Variants in SNHG17 observed in about 807,000 individuals in gnomAD.
The protein encoded by SNHG17 is small nucleolar RNA host gene 17.
intron 4 of SNHG17, chr20:38,426,174 A>C (rs1359469342): frequency 2.6e-5 from 4 of 152,436 alleles, no homozygotes; most frequent in Non-Finnish European, 5.9e-5. Context: ...CTCCCACTTC[A>C]ACAAACTATG....
chr20:38,422,420 AC>A (rs1055995557), intron 5 of SNHG17, among the ~76,000 whole-genome samples: 7 of 152,178 alleles, frequency 4.6e-5, no homozygotes, highest in African/African-American at 1.7e-4. Context: ...ATCATAAGCA[AC>A]CCACAAATGC....
At chr20:38,422,653 A>G (rs2084176032) in intron 5 of SNHG17, among the ~76,000 whole-genome samples, 1 of 152,068 alleles carries the variant, frequency 6.6e-6, no homozygotes, top group Admixed American at 6.6e-5. Flanking sequence ...AGACATCTGC[A>G]CTCCAATATT....
chr20:38,427,926 AGGCCCTACTG>A (rs1250474365), intron 3 of SNHG17: 4 of 152,302 alleles, frequency 2.6e-5, no homozygotes, highest in East Asian at 3.8e-4. Flanking sequence ...CCGGGCATGG[AGGCCCTACTG>A]GGCTTCCCTG....
chr20:38,430,332 T>C (rs1235378337), intron 3 of SNHG17, among the ~76,000 whole-genome samples: 1 of 145,018 alleles, frequency 6.9e-6, no homozygotes, highest in Non-Finnish European at 1.5e-5. Context: ...AAAATAAAAA[T>C]AAAAATAAAA....
rs182849935 is a variant in SNHG17 at position 38,430,248 on chromosome 20, G to A, written n.380+793C>T. Among the ~76,000 whole-genome samples the A allele has an allele frequency of 3.0e-4, 45 of 152,158 alleles. 1 individual carries two copies. In the East Asian group the frequency reaches 3.9e-3, roughly 13 times the overall value. ...AGGCAGGAGAATCATTTGAACCCGGGAAGTGGAGGTTGCAGTGAGTCAGGA... is the reference window on the plus strand; with the variant it reads ...AGGCAGGAGAATCATTTGAACCCGGAAAGTGGAGGTTGCAGTGAGTCAGGA... On this transcript the variant is annotated intron_variant and non_coding_transcript_variant, in intron 3 of 8. Coordinates refer to ENST00000654008, the Ensembl canonical transcript of SNHG17.
rs1029267821 is a variant in SNHG17 at position 38,434,910 on chromosome 20, C to T, written n.186-284G>A. The T allele has an allele frequency of 6.6e-6, 8 of 1,218,400 alleles. No homozygotes were observed. In the Admixed American group the frequency reaches 3.0e-4, roughly 46 times the overall value. 75.5% of individuals were successfully genotyped at this position (1,218,400 alleles called of 1,614,324 possible). On this transcript the variant is annotated intron_variant and non_coding_transcript_variant, in intron 1 of 8. Coordinates refer to ENST00000654008, the Ensembl canonical transcript of SNHG17. The stretch of plus-strand genomic sequence containing the variant: ...GGGGCGGGCAGCTAAAGTCGCCGAG[C>T]CCTGTTTCCCGCCATCCAGGGGCAC...
At chr20:38,432,379 G>T (rs543392138) in intron 2 of SNHG17, among the ~76,000 whole-genome samples, 2 of 152,098 alleles carry the variant, frequency 1.3e-5, no homozygotes, top group Admixed American at 1.3e-4. Flanking sequence ...CCAGCGTGGC[G>T]CAGTCTAGCA....
intron 1 of SNHG17, chr20:38,434,837 T>C (rs1404137391): frequency 3.0e-6 from 3 of 985,198 alleles, no homozygotes; most frequent in South Asian, 4.7e-5. Flanking sequence ...ACTGGCACTT[T>C]GTAGGCAACA....
intron 3 of SNHG17, chr20:38,428,334 A>G (rs1178091424): frequency 6.6e-6 from 1 of 152,212 alleles, no homozygotes; most frequent in African/African-American, 2.4e-5. Context: ...GGGAATCCAT[A>G]GGACATGGCT....
intron 5 of SNHG17, among the ~76,000 whole-genome samples, chr20:38,422,606 G>A (rs930908947): frequency 2.0e-5 from 3 of 151,948 alleles, no homozygotes; most frequent in African/African-American, 4.8e-5. Context: ...CCCTCTTCTG[G>A]ACACATACTC....
intron 7 of SNHG17, chr20:38,421,005 C>A (rs1225004507): frequency 6.6e-6 from 1 of 152,262 alleles, no homozygotes; most frequent in Non-Finnish European, 1.5e-5. Flanking sequence ...CATCAACTCA[C>A]CACGGTGAGA....
chr20:38,420,752 A>G (rs2084145311), exon 8 of SNHG17: 2 of 152,196 alleles, frequency 1.3e-5, no homozygotes, highest in African/African-American at 2.4e-5. Flanking sequence ...GAAGTCTCCC[A>G]TGTCTGGACC....
chr20:38,426,884 A>G (rs1245916176), intron 3 of SNHG17, among the ~76,000 whole-genome samples: 4 of 150,406 alleles, frequency 2.7e-5, no homozygotes, highest in Non-Finnish European at 5.9e-5. Flanking sequence ...CTCCCCTTGC[A>G]GCAATGAGCA....
intron 3 of SNHG17, chr20:38,427,357 A>G (rs1161447971): frequency 3.9e-6 from 2 of 518,492 alleles, no homozygotes; most frequent in Non-Finnish European, 7.7e-6. Context: ...CCCTCCAAAC[A>G]CGGGGACAAC....
intron 3 of SNHG17, chr20:38,429,535 G>A (rs1305601020): frequency 3.0e-5 from 9 of 299,324 alleles, no homozygotes; most frequent in Non-Finnish European, 6.5e-6. Flanking sequence ...TCTGCTCCAT[G>A]AGGCCAAACC....
At chr20:38,427,316 A>G (rs1209786014) in intron 3 of SNHG17, 2 of 505,914 alleles carry the variant, frequency 4.0e-6, no homozygotes, top group Admixed American at 4.1e-5. Flanking sequence ...AGTTGTGTGA[A>G]AGCTTCAGGG....
intron 3 of SNHG17, among the ~76,000 whole-genome samples, chr20:38,426,905 C>T (rs979596000): frequency 6.7e-6 from 1 of 150,084 alleles, no homozygotes; most frequent in Non-Finnish European, 1.5e-5. Flanking sequence ...CTTTCTCTTT[C>T]TTACGACAAA....
chr20:38,422,799 G>T (rs1474992085), intron 5 of SNHG17, among the ~76,000 whole-genome samples: 1 of 152,052 alleles, frequency 6.6e-6, no homozygotes, highest in East Asian at 1.9e-4. Flanking sequence ...CCCTTAAAAA[G>T]AAGACCCTTG....
intron 5 of SNHG17, chr20:38,425,210 C>A (rs542379185): frequency 1.9e-6 from 1 of 519,036 alleles, no homozygotes; most frequent in South Asian, 1.4e-5. Flanking sequence ...TACGAAAGCT[C>A]CAGAGTTTGG....
Sources: gnomAD v4.1 joint callset for allele counts (sites outside exome capture counted in the v4.1 genomes callset) on GRCh38, gnomAD v4.1.1 for gene constraint, MANE v1.5 for transcripts, NCBI Gene and HGNC (gene_info 2026-07-23, HGNC 2026-07-21) for gene names.